The following HDAC9 variants were observed in gnomAD, a reference collection of about 807,000 sequenced individuals.
The protein encoded by HDAC9 is histone deacetylase 9.
Under a neutral mutation model 139.4 loss-of-function variants are expected in HDAC9, and 41 were observed. That is an observed-to-expected ratio of 0.29 (90% CI 0.23 to 0.38). The LOEUF (loss-of-function observed/expected upper bound fraction) is 0.38. Among genes scored for constraint, HDAC9 ranks in the 10% least tolerant of loss-of-function variants. HDAC9 has a pLI of 1.00. For missense variants in HDAC9, 1,147 were observed against 1,297.0 expected (o/e 0.88, Z 1.78); for synonymous variants, 517 against 476.2 (o/e 1.09, Z -1.12).
chr7:18,402,043 A>G (rs1417003883), intron 1 of HDAC9, among the ~76,000 whole-genome samples: 2 of 152,130 alleles, frequency 1.3e-5, no homozygotes, highest in East Asian at 1.9e-4. Flanking sequence ...TCAATAATCT[A>G]TTTTGTAAAT....
At chr7:18,533,269 T>C (rs982665469) in intron 2 of HDAC9, among the ~76,000 whole-genome samples, 1 of 152,200 alleles carries the variant, frequency 6.6e-6, no homozygotes, top group Admixed American at 6.5e-5. Context: ...CCAGCCTTCT[T>C]TCTCTATTGG....
chr7:18,395,289 C>A (rs537671929), intron 1 of HDAC9: 1 of 152,068 alleles, frequency 6.6e-6, no homozygotes, highest in African/African-American at 2.4e-5. Flanking sequence ...CATTATCTCA[C>A]TTAATACTCA....
intron 2 of HDAC9, among the ~76,000 whole-genome samples, chr7:18,217,212 A>G (rs992926549): frequency 6.6e-6 from 1 of 152,118 alleles, no homozygotes; most frequent in African/African-American, 2.4e-5. Context: ...ACAACCAACT[A>G]TACATAATAT....
chr7:18,658,306 T>C (rs1424519660), intron 11 of HDAC9, among the ~76,000 whole-genome samples: 1 of 152,074 alleles, frequency 6.6e-6, no homozygotes, highest in Non-Finnish European at 1.5e-5. Context: ...AATGAAAAAA[T>C]GGGTGGGCAA....
intron 2 of HDAC9, among the ~76,000 whole-genome samples, chr7:18,201,069 T>A (rs1033381267): frequency 6.6e-6 from 1 of 152,130 alleles, no homozygotes; most frequent in Admixed American, 6.6e-5. Context: ...AGTTCCTTAG[T>A]TCTCACAGGA....
intron 22 of HDAC9, among the ~76,000 whole-genome samples, chr7:18,913,474 A>C (rs765699972): frequency 8.5e-5 from 13 of 152,126 alleles, no homozygotes; most frequent in Non-Finnish European, 1.8e-4. Flanking sequence ...TAAGGTAATG[A>C]CATAGCAATA....
intron 24 of HDAC9, among the ~76,000 whole-genome samples, chr7:18,971,450 T>G (rs955069101): frequency 6.6e-6 from 1 of 152,212 alleles, no homozygotes; most frequent in African/African-American, 2.4e-5. Flanking sequence ...CTTTGTTCAT[T>G]TCTCGTATGT....
At chr7:18,098,562 T>C (rs771140043) in intron 1 of HDAC9, among the ~76,000 whole-genome samples, 1 of 152,218 alleles carries the variant, frequency 6.6e-6, no homozygotes, top group Non-Finnish European at 1.5e-5. Flanking sequence ...CAAACTTGAG[T>C]GTGCATCAGC....
chr7:18,808,668 G>T (rs116272051), intron 17 of HDAC9, among the ~76,000 whole-genome samples: 1 of 151,950 alleles, frequency 6.6e-6, no homozygotes, highest in Non-Finnish European at 1.5e-5. Flanking sequence ...TAAATGGAAC[G>T]ATATCCCATG....
intron 23 of HDAC9, among the ~76,000 whole-genome samples, chr7:18,950,280 G>C (rs527506984): frequency 3.3e-5 from 5 of 152,040 alleles, no homozygotes; most frequent in Admixed American, 6.6e-5. Flanking sequence ...CTGCATTTCT[G>C]ATCTATAGAA....
At chr7:18,745,727 T>C (rs1319857953) in intron 13 of HDAC9, among the ~76,000 whole-genome samples, 1 of 151,392 alleles carries the variant, frequency 6.6e-6, no homozygotes, top group Non-Finnish European at 1.5e-5. Context: ...TTTGTATTTT[T>C]AGTAGAGACG....
intron 1 of HDAC9, among the ~76,000 whole-genome samples, chr7:18,356,332 T>C (rs1696236022): frequency 6.7e-6 from 1 of 148,218 alleles, no homozygotes; most frequent in African/African-American, 2.5e-5. Flanking sequence ...CATTATTCTT[T>C]GTAGCCTCTA....
chr7:18,527,492 T>A (rs1807342745), intron 2 of HDAC9, among the ~76,000 whole-genome samples: 1 of 152,120 alleles, frequency 6.6e-6, no homozygotes, highest in Non-Finnish European at 1.5e-5. Flanking sequence ...ATGTTGTGGC[T>A]CAATGAGGAA....
chr7:18,533,634 C>T (rs765478958), intron 2 of HDAC9, among the ~76,000 whole-genome samples: 1 of 152,082 alleles, frequency 6.6e-6, no homozygotes, highest in Non-Finnish European at 1.5e-5. Context: ...AATTGTATAA[C>T]AGTGTATCTT....
chr7:18,880,470 C>T (rs1323787396), intron 22 of HDAC9, among the ~76,000 whole-genome samples: 1 of 152,014 alleles, frequency 6.6e-6, no homozygotes, highest in Non-Finnish European at 1.5e-5. Context: ...TACTATGCAG[C>T]CATAAAAAAG....
chr7:18,273,517 A>G (rs1405729003), intron 2 of HDAC9, among the ~76,000 whole-genome samples: 1 of 152,232 alleles, frequency 6.6e-6, no homozygotes, highest in Non-Finnish European at 1.5e-5. Context: ...CACTTAGTAA[A>G]TGGTGCTGGG....
intron 17 of HDAC9, among the ~76,000 whole-genome samples, chr7:18,796,590 G>A (rs527741827): frequency 6.6e-6 from 1 of 152,262 alleles, no homozygotes; most frequent in East Asian, 1.9e-4. Flanking sequence ...AAATACATAA[G>A]AAGGAATTCC....
intron 13 of HDAC9, among the ~76,000 whole-genome samples, chr7:18,733,006 CATGTGT>C (rs1786458247): frequency 7.2e-6 from 1 of 139,376 alleles, no homozygotes; most frequent in Non-Finnish European, 1.5e-5. Context: ...TGTATATACA[CATGTGT>C]ATGTGTGTAT....
At chr7:18,529,431 G>A (rs1586711134) in intron 2 of HDAC9, among the ~76,000 whole-genome samples, 1 of 152,174 alleles carries the variant, frequency 6.6e-6, no homozygotes, top group Non-Finnish European at 1.5e-5. Flanking sequence ...CCAATTCCAA[G>A]TTAAGTTTTC....
Sources: gnomAD v4.1 joint callset for allele counts (sites outside exome capture counted in the v4.1 genomes callset) on GRCh38, gnomAD v4.1.1 for gene constraint, MANE v1.5 for transcripts, NCBI Gene and HGNC (gene_info 2026-07-23, HGNC 2026-07-21) for gene names.